The following WDR27 variants were observed in gnomAD, a reference collection of about 807,000 sequenced individuals.
WDR27 encodes WD repeat-containing protein 27.
Under a neutral mutation model 114.4 loss-of-function variants are expected in WDR27, and 100 were observed. That is an observed-to-expected ratio of 0.87 (90% confidence interval 0.74 to 1.03). WDR27 has a LOEUF of 1.03. WDR27 is among the 50% of genes least tolerant of loss of function. The probability of loss-of-function intolerance (pLI) is 0.00; values close to 1 mark genes in which losing one functional copy is unlikely to be tolerated. For missense variants in WDR27, 1,129 were observed against 1,092.9 expected, an observed-to-expected ratio of 1.03 and a Z score of -0.47; for synonymous variants, 449 against 423.1, an observed-to-expected ratio of 1.06 and a Z score of -0.75.
intron 23 of WDR27, among the ~76,000 whole-genome samples, chr6:169,598,924 G>A (rs753819234): frequency 1.3e-5 from 2 of 152,130 alleles, no homozygotes; most frequent in Non-Finnish European, 2.9e-5. Context: ...TGCTATTTGA[G>A]GCTGAAGCAA....
chr6:169,678,503 G>A (rs1404119362), intron 2 of WDR27, among the ~76,000 whole-genome samples: 1 of 152,178 alleles, frequency 6.6e-6, no homozygotes, highest in African/African-American at 2.4e-5. Context: ...CAGGCTCATA[G>A]GTGGAAGGAA....
At chr6:169,680,398 C>T (rs552990320) in intron 2 of WDR27, among the ~76,000 whole-genome samples, 20 of 152,224 alleles carry the variant, frequency 1.3e-4, no homozygotes, top group South Asian at 4.1e-4. Context: ...CTGGCTAACA[C>T]GGTGAAACCC....
the WDR27 span, among the ~76,000 whole-genome samples, chr6:169,448,109 T>C: frequency 6.6e-6 from 1 of 152,164 alleles, no homozygotes; most frequent in Non-Finnish European, 1.5e-5. Context: ...ACTAATATTT[T>C]ACATGTATGT....
chr6:169,694,346 C>T (rs562476273), intron 1 of WDR27, among the ~76,000 whole-genome samples: 3 of 152,124 alleles, frequency 2.0e-5, no homozygotes, highest in African/African-American at 4.8e-5. Flanking sequence ...CATCAACGCA[C>T]GCACACAGAA....
At chr6:169,551,516 C>T (rs575456537) in intron 25 of WDR27, among the ~76,000 whole-genome samples, 9 of 152,160 alleles carry the variant, frequency 5.9e-5, no homozygotes, top group East Asian at 3.9e-4. Context: ...GGATGGATTA[C>T]CTGAGGTCAC....
At chr6:169,535,782 AAGGTTAGAGAGTAC>A (rs1317709721) in intron 25 of WDR27, among the ~76,000 whole-genome samples, 1 of 152,246 alleles carries the variant, frequency 6.6e-6, no homozygotes, top group African/African-American at 2.4e-5. Flanking sequence ...GTTCAAGATG[AAGGTTAGAGAGTAC>A]AGGTTTCTCA....
chr6:169,684,629 T>A lies in WDR27; in HGVS notation c.189+4188A>T, dbSNP rs1023902274. Among the ~76,000 whole-genome samples the A allele has an allele frequency of 1.3e-5, 2 of 152,338 alleles. No homozygotes were observed. Among genetic ancestry groups the A allele is most frequent in the East Asian group, 3.9e-4 (2 of 5,180 alleles). ...GTCAGCCAAGCAGCCATAAGCTGTG[T>A]GACTATGTCCTGGGACTGAGAAGCA... is the stretch of plus-strand genomic sequence containing the variant. On this transcript the variant is annotated intron_variant, in intron 2 of 25. Transcript: ENST00000448612. The surrounding 1 kb of genome is among the most constrained non-coding windows in gnomAD (Gnocchi z 4.3).
At position 169,551,737 on chromosome 6, in the gene WDR27, CAAAAA is replaced by C. The variant is rs1296878043; in HGVS notation, c.2645+20677_2645+20681del. Among the ~76,000 whole-genome samples the C allele has an allele frequency of 3.6e-3, 221 of 60,710 alleles. 2 individuals are homozygous for C. Among genetic ancestry groups the C allele is most frequent in the African/African-American group, 9.3e-3 (206 of 22,034 alleles). The allele number at this position is 60,710 out of a possible 152,430, so 39.8% of individuals were successfully genotyped here. A position where few individuals can be genotyped will look rare whatever the true frequency, so the allele number is the denominator to read the frequency against. On this transcript the variant is annotated intron_variant, in intron 25 of 25. Transcript: ENST00000448612. ...GGGCAATAAGAGCGAGACTCCATCT[CAAAAA>C]AAAAAAAAAAAAAGAAAAAGAAAAG...
intron 13 of WDR27, among the ~76,000 whole-genome samples, chr6:169,652,297 G>A (rs1201911890): frequency 6.6e-6 from 1 of 152,244 alleles, no homozygotes; most frequent in Non-Finnish European, 1.5e-5. Flanking sequence ...CGCTAAGGCT[G>A]GACTGCAGTG....
At chr6:169,502,195 C>T (rs1351699058) in intron 25 of WDR27, among the ~76,000 whole-genome samples, 2 of 152,172 alleles carry the variant, frequency 1.3e-5, no homozygotes, top group African/African-American at 2.4e-5. Context: ...GAGAGGAAGC[C>T]GCACGCCTGA....
chr6:169,666,453 C>T, intron 6 of WDR27: 1 of 985,496 alleles, frequency 1.0e-6, no homozygotes, highest in Non-Finnish European at 1.2e-6. Flanking sequence ...TTCCCTAACT[C>T]TCTTCTTCTG....
intron 25 of WDR27, among the ~76,000 whole-genome samples, chr6:169,497,757 T>C (rs1355724303): frequency 1.3e-5 from 2 of 152,032 alleles, no homozygotes; most frequent in African/African-American, 2.4e-5. Context: ...ATAACAAATA[T>C]TGATGAGGAG....
chr6:169,466,685 T>C (rs1286353993), intron 25 of WDR27, among the ~76,000 whole-genome samples: 2 of 151,980 alleles, frequency 1.3e-5, no homozygotes, highest in African/African-American at 4.8e-5. Context: ...TCCCACCAGG[T>C]CTCTCCCTAG....
intron 25 of WDR27, among the ~76,000 whole-genome samples, chr6:169,470,478 T>A (rs938282683): frequency 2.0e-5 from 3 of 152,238 alleles, no homozygotes; most frequent in African/African-American, 7.2e-5. Context: ...AAATACCATA[T>A]ACTACATGGC....
chr6:169,627,589 G>A (rs149118575), intron 21 of WDR27, among the ~76,000 whole-genome samples: 148 of 152,342 alleles, frequency 9.7e-4, no homozygotes, highest in Non-Finnish European at 1.7e-3. Context: ...CTCCCGAGGC[G>A]AGCCAGGCCC....
At chr6:169,478,601 C>T (rs982911875) in intron 25 of WDR27, among the ~76,000 whole-genome samples, 10 of 151,964 alleles carry the variant, frequency 6.6e-5, no homozygotes, top group African/African-American at 2.2e-4. Context: ...CATCACACAC[C>T]TTATGTGCCA....
intron 25 of WDR27, among the ~76,000 whole-genome samples, chr6:169,537,156 G>A (rs1796285718): frequency 6.6e-6 from 1 of 152,172 alleles, no homozygotes; most frequent in African/African-American, 2.4e-5. Context: ...GGTATTCCTA[G>A]TGGTTGAGAG....
At chr6:169,681,997 G>A (rs975582571) in intron 2 of WDR27, among the ~76,000 whole-genome samples, 2 of 152,024 alleles carry the variant, frequency 1.3e-5, no homozygotes, top group African/African-American at 2.4e-5. Context: ...TGTTGAAATC[G>A]GGGAACTATC....
chr6:169,529,318 G>GGC (rs1554281633), intron 25 of WDR27, among the ~76,000 whole-genome samples: 1 of 143,616 alleles, frequency 7.0e-6, no homozygotes, highest in Non-Finnish European at 1.5e-5. Context: ...TCTGCGGGGG[G>GGC]GGGGGGCAGC....
Sources: allele counts gnomAD v4.1 joint callset (sites outside exome capture counted in the v4.1 genomes callset), GRCh38; gene constraint gnomAD v4.1.1; non-coding constraint Gnocchi (gnomAD v3.1); transcripts MANE v1.5; gene names NCBI Gene and HGNC (gene_info 2026-07-23, HGNC 2026-07-21).